Variants in GOLGA4 observed in about 807,000 individuals in gnomAD.
GOLGA4 encodes golgin A4.
In GOLGA4, 169 loss-of-function variants were observed where a neutral mutation model predicts 265.9. The observed-to-expected ratio is 0.64, with a 90% confidence interval of 0.56 to 0.72. The LOEUF (loss-of-function observed/expected upper bound fraction) is 0.72. Ranked by LOEUF, GOLGA4 falls within the 30% of genes least tolerant of loss-of-function variation. The pLI, the probability that GOLGA4 is intolerant of heterozygous loss-of-function variation, is 0.00. For synonymous variants in GOLGA4, 923 were observed against 855.8 expected (o/e 1.08, Z -1.37); for missense variants, 2,482 against 2,483.4 (o/e 1.00, Z 0.01).
In GOLGA4 at chr3:37,287,990, T is replaced by A. The variant is rs2096854315; in HGVS notation, c.526-1245T>A. Among the ~76,000 whole-genome samples the A allele has an allele frequency of 2.0e-5, 3 of 152,140 alleles. No individual in the cohort carries two copies. The South Asian group carries it at 6.2e-4, about 32-fold the overall frequency. ...TATGTGGTTACTTTGTTTCCATAGG[T>A]CATAACTTACCAAGTTTAATTTCCT... On this transcript the variant is annotated intron_variant, in intron 4 of 23. Coordinates refer to ENST00000361924, the MANE Select transcript of GOLGA4 (RefSeq NM_002078.5).
At chr3:37,362,569 C>T (rs113882221) in intron 23 of GOLGA4, among the ~76,000 whole-genome samples, 1,803 of 151,630 alleles carry the variant, frequency 0.012, 30 homozygotes, top group African/African-American at 0.041. Context: ...TAAGTAAAGC[C>T]TTTATCACCC....
At position 37,299,132 on chromosome 3, in the gene GOLGA4, G is replaced by C. The variant is rs2096886358; in HGVS notation, c.1002+112G>C. On this transcript the variant is annotated intron_variant, in intron 8 of 23. Transcript: ENST00000361924. ...GAGAGTGGATGGAAAGGGCATTTTT[G>C]TTTGCCCTGGCCTACATAACACCAA... The C allele has an allele frequency of 4.8e-5, 49 of 1,011,692 alleles. 1 individual carries two copies. In the South Asian group the frequency reaches 7.9e-4, roughly 16 times the overall value. The allele number at this position is 1,011,692 out of a possible 1,614,324, so 62.7% of individuals were successfully genotyped here.
At chr3:37,299,906 C>T (rs1438488365) in intron 9 of GOLGA4, among the ~76,000 whole-genome samples, 5 of 151,244 alleles carry the variant, frequency 3.3e-5, no homozygotes, top group Non-Finnish European at 2.9e-5. Context: ...AAAAAATTAG[C>T]TGGGTATGTT....
chr3:37,260,063 G>A (rs2096765137), intron 2 of GOLGA4, among the ~76,000 whole-genome samples: 2 of 150,626 alleles, frequency 1.3e-5, no homozygotes, highest in Middle Eastern at 3.4e-3. Context: ...TTACAGGGGT[G>A]TCTAATCTTT....
intron 2 of GOLGA4, among the ~76,000 whole-genome samples, chr3:37,271,912 T>A (rs2096799758): frequency 6.6e-6 from 1 of 152,054 alleles, no homozygotes; most frequent in Non-Finnish European, 1.5e-5. Flanking sequence ...GACATTAGAT[T>A]GTCATAGGAG....
chr3:37,269,694 C>CTA lies in GOLGA4; in HGVS notation c.163-12263_163-12262dup, dbSNP rs113357911. ...AGGCATTACAAATAGTGACAGATCT[C>CTA]TAATTTTACTTCTAAATATTCGTAA... On this transcript the variant is annotated intron_variant, in intron 2 of 23. Transcript: ENST00000361924. Among the ~76,000 whole-genome samples the CTA allele has an allele frequency of 2.4e-3, 367 of 152,240 alleles. 4 individuals are homozygous for CTA. Among genetic ancestry groups the CTA allele is most frequent in the African/African-American group, 8.3e-3 (345 of 41,550 alleles).
At chr3:37,316,064 AG>A (rs2096936792) in intron 11 of GOLGA4, among the ~76,000 whole-genome samples, 1 of 152,228 alleles carries the variant, frequency 6.6e-6, no homozygotes, top group Non-Finnish European at 1.5e-5. Flanking sequence ...TTTAAAAGTT[AG>A]CTTTTTGGAA....
Position 37,324,741 on chromosome 3 carries a change from A to G in GOLGA4, c.2855A>G (p.Gln952Arg). 6.3e-7 allele frequency: 1 copy of G among 1,585,110 alleles called. No individual in the cohort carries two copies. Among genetic ancestry groups the G allele is most frequent in the Non-Finnish European group, 8.5e-7 (1 of 1,172,290 alleles). ...GAATATGAAACCAAATTTAAAAACC[A>G]AGAAAAAAAGATGGAAAAAGTTAAG... Reference protein sequence around the residue: ...NEEYETKFKNQEKKMEKVKQK... With the variant: ...NEEYETKFKNREKKMEKVKQK... The change falls in exon 14 of 24, where the codon CAA becomes CGA. Residue 952 changes from glutamine (Q) to arginine (R), a missense_variant. Around this residue, in one of 3 missense-constraint regions of GOLGA4, gnomAD observed 1,536 missense variants for 1,483.7 expected, o/e 1.04. Coordinates refer to ENST00000361924, the MANE Select transcript of GOLGA4 (RefSeq NM_002078.5).
chr3:37,324,663 TACTC>T lies in GOLGA4; in HGVS notation c.2780_2783del (p.Leu927HisfsTer14), dbSNP rs1399889311. ...GAAGGACAGAAGAAAGAAATTGAGA[TACTC>T]ACACAGAAATTGTCAGCCAAGGAGG... is the stretch of plus-strand genomic sequence containing the variant. On this transcript the variant is annotated frameshift_variant, in exon 14 of 24. Coordinates refer to ENST00000361924, the MANE Select transcript of GOLGA4 (RefSeq NM_002078.5). LOFTEE classifies it high-confidence loss of function. 9 of 1,602,616 alleles carry T rather than the reference TACTC, an allele frequency of 5.6e-6. No individual in the cohort carries two copies. The highest frequency in any genetic ancestry group is 2.7e-5 in the African/African-American group (2 of 74,590).
At chr3:37,243,760 A>C (rs1487234355) in intron 1 of GOLGA4, 138 bp downstream of exon 1, 7 of 679,198 alleles carry the variant, frequency 1.0e-5, no homozygotes, top group African/African-American at 3.6e-5. Flanking sequence ...CTCCGGACCC[A>C]GAAGGAGCTC....
chr3:37,352,639 T>G (rs1312004695), intron 21 of GOLGA4, among the ~76,000 whole-genome samples: 4 of 152,114 alleles, frequency 2.6e-5, no homozygotes, highest in African/African-American at 9.7e-5. Flanking sequence ...GTCACTTCCC[T>G]CAGCCTTCAT....
intron 16 of GOLGA4, 98 bp from the exon 17 acceptor site, chr3:37,334,955 A>G: frequency 3.1e-6 from 2 of 649,370 alleles, no homozygotes; most frequent in South Asian, 4.0e-5. Flanking sequence ...AGTTTTCTCT[A>G]TACCATGTTG....
chr3:37,315,663 C>T, intron 11 of GOLGA4, 65 bp downstream of exon 11: 1 of 1,242,112 alleles, frequency 8.1e-7, no homozygotes, highest in Non-Finnish European at 1.2e-6. Context: ...TTTTTCCTTA[C>T]ACTCTTTGAC....
Position 37,326,759 on chromosome 3 carries a change from T to C in GOLGA4, c.4873T>C (p.Leu1625=). Residue 1625 remains leucine, a synonymous_variant, in exon 14 of 24, where the codon TTG becomes CTG. Coordinates refer to ENST00000361924, the MANE Select transcript of GOLGA4 (RefSeq NM_002078.5). ...VKSKEEELKA[L]EDRLESESAA... ...AAGCAAAGAGGAGGAGTTAAAGGCA[T>C]TGGAAGATAGGCTTGAGTCAGAAAG... 6.2e-7 allele frequency: 1 copy of C among 1,613,672 alleles called. No homozygotes were observed. The highest frequency in any genetic ancestry group is 1.3e-5 in the African/African-American group (1 of 75,034).
At position 37,294,713 on chromosome 3, in the gene GOLGA4, A is replaced by T. The variant is rs559687780; in HGVS notation, c.583-266A>T. On this transcript the variant is annotated intron_variant, in intron 5 of 23. Coordinates refer to ENST00000361924, the MANE Select transcript of GOLGA4 (RefSeq NM_002078.5). ...TCTTAAGTGATTATTTATTTTCTCCACATTATTATCAGTGCAGCCATCATT... is the reference window on the plus strand; with the variant it reads ...TCTTAAGTGATTATTTATTTTCTCCTCATTATTATCAGTGCAGCCATCATT... Among the ~76,000 whole-genome samples, 469 of 152,220 alleles carry T rather than the reference A, an allele frequency of 3.1e-3. 7 individuals are homozygous for T. The South Asian group carries it at 0.048, about 16-fold the overall frequency.
intron 11 of GOLGA4, 57 bp from the exon 12 acceptor site, chr3:37,319,006 T>C (rs1282267254): frequency 1.7e-6 from 2 of 1,185,684 alleles, no homozygotes; most frequent in Non-Finnish European, 2.4e-6. Context: ...TATTTAGTTG[T>C]GGAGTTACAT....
chr3:37,298,271 A>G (rs1043570625), intron 7 of GOLGA4, among the ~76,000 whole-genome samples: 3 of 152,110 alleles, frequency 2.0e-5, no homozygotes, highest in Admixed American at 6.5e-5. Context: ...TTTAAGAACA[A>G]TTTAGTGGGT....
At chr3:37,318,990 TAGTA>T (rs1222389952) in intron 11 of GOLGA4, 69 bp from the exon 12 acceptor site, 1 of 975,128 alleles carries the variant, frequency 1.0e-6, no homozygotes, top group Non-Finnish European at 1.5e-6. Context: ...TAAATTATAA[TAGTA>T]TTATTTAGTT....
At chr3:37,336,431 A>T (rs1362835397) in intron 17 of GOLGA4, among the ~76,000 whole-genome samples, 1 of 152,094 alleles carries the variant, frequency 6.6e-6, no homozygotes, top group Non-Finnish European at 1.5e-5. Context: ...AGGACTTCTG[A>T]GTCCTTTACC....
Sources: allele counts gnomAD v4.1 joint callset (sites outside exome capture counted in the v4.1 genomes callset), GRCh38; gene constraint gnomAD v4.1.1; regional missense constraint gnomAD v4.1.1; transcripts MANE v1.5; gene names NCBI Gene and HGNC (gene_info 2026-07-23, HGNC 2026-07-21).